Variants in BANK1 observed in about 807,000 individuals in gnomAD.
BANK1 encodes B cell scaffold protein with ankyrin repeats 1, also known as B-cell scaffold protein with ankyrin repeats.
BANK1 carries 95 observed loss-of-function variants against 94.5 expected under a neutral mutation model. That is an observed-to-expected ratio of 1.00 (90% CI 0.85 to 1.19). The LOEUF (loss-of-function observed/expected upper bound fraction) is 1.19. BANK1 is among the 50% of genes most tolerant of loss of function. BANK1 has a pLI of 0.00. For missense variants in BANK1, 987 were observed against 932.2 expected (o/e 1.06, Z -0.77); for synonymous variants, 334 against 308.4 (o/e 1.08, Z -0.87).
intron 5 of BANK1, 25 bp downstream of exon 5, chr4:101,870,669 A>G: frequency 1.2e-5 from 19 of 1,602,180 alleles, no homozygotes; most frequent in Non-Finnish European, 1.6e-5. Flanking sequence ...CCACGAAGTT[A>G]ATCATAATGT....
At chr4:102,010,131 G>A (rs28582881) in intron 7 of BANK1, among the ~76,000 whole-genome samples, 21 of 151,096 alleles carry the variant, frequency 1.4e-4, no homozygotes, top group African/African-American at 3.1e-4. Flanking sequence ...CAGGTGTGGT[G>A]GCGGGCGCCT....
chr4:101,898,152 C>T (rs1722156042), intron 6 of BANK1, among the ~76,000 whole-genome samples: 2 of 151,698 alleles, frequency 1.3e-5, no homozygotes. Context: ...TACAAAATAA[C>T]ATAATATATA....
intron 7 of BANK1, among the ~76,000 whole-genome samples, chr4:101,963,983 C>CTGTGTGTGCAA (rs1724660522): frequency 6.6e-6 from 1 of 152,082 alleles, no homozygotes; most frequent in African/African-American, 2.4e-5. Context: ...GCTCCAATAG[C>CTGTGTGTGCAA]ATTTTTTTGT....
intron 7 of BANK1, among the ~76,000 whole-genome samples, chr4:102,004,645 G>A (rs929356099): frequency 6.6e-6 from 1 of 152,076 alleles, no homozygotes; most frequent in African/African-American, 2.4e-5. Flanking sequence ...TTAATAAGTT[G>A]CCTGCTTTGC....
chr4:101,983,781 T>G (rs903026193), intron 7 of BANK1, among the ~76,000 whole-genome samples: 1 of 152,106 alleles, frequency 6.6e-6, no homozygotes, highest in Non-Finnish European at 1.5e-5. Flanking sequence ...ATTAGATTTG[T>G]CAGTGCTTCA....
At chr4:101,935,554 CTT>C (rs1349333343) in intron 7 of BANK1, among the ~76,000 whole-genome samples, 5 of 151,480 alleles carry the variant, frequency 3.3e-5, no homozygotes, top group Non-Finnish European at 7.4e-5. Flanking sequence ...TAAAAGGAAT[CTT>C]TTCTGAATTC....
At position 102,060,136 on chromosome 4, in the gene BANK1, T is replaced by C. The variant is rs1178506944; in HGVS notation, c.1970-75T>C. 3.8e-6 allele frequency: 5 copies of C among 1,328,316 alleles called. No homozygotes were observed. The East Asian group carries it at 1.1e-4, about 28-fold the overall frequency. 82.3% of individuals were successfully genotyped at this position (1,328,316 alleles called of 1,614,324 possible). A position where few individuals can be genotyped will look rare whatever the true frequency, so the allele number is the denominator to read the frequency against. ...TTAAGAAGAAGCTACTCCAATGGCT[T>C]ATTTGTAGAGTGCTTTTGTTCCCAG... On this transcript the variant is annotated intron_variant, in intron 11 of 16. Transcript: ENST00000322953.
chr4:101,887,783 C>T (rs1728909309), intron 5 of BANK1, among the ~76,000 whole-genome samples: 1 of 151,986 alleles, frequency 6.6e-6, no homozygotes, highest in African/African-American at 2.4e-5. Flanking sequence ...TTTATAGTCA[C>T]AGATATTGCA....
intron 7 of BANK1, among the ~76,000 whole-genome samples, chr4:101,919,915 T>C (rs1178656664): frequency 1.3e-5 from 2 of 151,970 alleles, no homozygotes; most frequent in South Asian, 2.1e-4. Flanking sequence ...GTTAAGAAAA[T>C]GAAACATATG....
At chr4:102,014,221 A>G (rs896373508) in intron 7 of BANK1, among the ~76,000 whole-genome samples, 86 of 152,266 alleles carry the variant, frequency 5.6e-4, no homozygotes, top group African/African-American at 2.0e-3. Context: ...AGAGTATAGT[A>G]AAAATTGTTG....
chr4:101,831,407 TTTC>T (rs1215495290), intron 2 of BANK1, among the ~76,000 whole-genome samples: 1 of 152,180 alleles, frequency 6.6e-6, no homozygotes, highest in East Asian at 1.9e-4. Context: ...GGAAAACAAC[TTTC>T]TTCTTACCAA....
At chr4:102,014,918 G>A (rs368946811) in intron 7 of BANK1, among the ~76,000 whole-genome samples, 1 of 152,060 alleles carries the variant, frequency 6.6e-6, no homozygotes, top group South Asian at 2.1e-4. Flanking sequence ...TGAAATCAAG[G>A]AAGGCAAATT....
At chr4:101,931,904 G>A (rs1000815701) in intron 7 of BANK1, among the ~76,000 whole-genome samples, 2 of 151,366 alleles carry the variant, frequency 1.3e-5, no homozygotes, top group African/African-American at 4.8e-5. Context: ...CATGGGCCAT[G>A]GCAAAGCTAT....
chr4:101,986,446 A>G (rs890875658), intron 7 of BANK1, among the ~76,000 whole-genome samples: 1 of 152,102 alleles, frequency 6.6e-6, no homozygotes, highest in Non-Finnish European at 1.5e-5. Flanking sequence ...TTCTGGGGTC[A>G]GACAAAATAG....
intron 2 of BANK1, 108 bp from the exon 3 acceptor site, chr4:101,854,927 G>T: frequency 1.3e-6 from 1 of 764,242 alleles, no homozygotes. Context: ...AACTCAGTTC[G>T]GTTTCCCGTA....
chr4:101,899,097 C>T (rs1039501413), intron 6 of BANK1, among the ~76,000 whole-genome samples: 4 of 151,598 alleles, frequency 2.6e-5, no homozygotes, highest in Admixed American at 6.6e-5. Context: ...GGACCTGTTC[C>T]GTTTGCATTT....
In BANK1 at chr4:102,031,912, ATCT is replaced by A. The variant is rs1486486239; in HGVS notation, c.1900+1651_1900+1653del. On this transcript the variant is annotated intron_variant, in intron 10 of 16. Transcript: ENST00000322953. ...TATAAAATACACTTATTTAATGATG[ATCT>A]TCTCTTGATATTGTTCAAGAAACTA... Among the ~76,000 whole-genome samples the A allele has an allele frequency of 3.9e-5, 6 of 152,188 alleles. 1 individual carries two copies. Among genetic ancestry groups the A allele is most frequent in the South Asian group, 4.1e-4 (2 of 4,820 alleles).
chr4:101,807,516 C>A (rs1420492314), intron 1 of BANK1, among the ~76,000 whole-genome samples: 6 of 152,150 alleles, frequency 3.9e-5, no homozygotes, highest in African/African-American at 9.7e-5. Flanking sequence ...GACTTTCTCC[C>A]TCTGTGACTG....
rs146642069 is a variant in BANK1, at chr4:101,966,411, CAAT to C, written c.1206+48237_1206+48239del. 2.0e-3 allele frequency among the ~76,000 whole-genome samples: 308 copies of C among 151,718 alleles called. 1 individual carries two copies. The highest frequency in any genetic ancestry group is 6.1e-3 in the African/African-American group (254 of 41,378). On this transcript the variant is annotated intron_variant, in intron 7 of 16. Coordinates refer to ENST00000322953, the MANE Select transcript of BANK1 (RefSeq NM_017935.5). ...GACCACAAGTGTGTCATTTGATTGT[CAAT>C]AATAATAATAATAAATTATTGAATC... is the stretch of plus-strand genomic sequence containing the variant.
Sources: gnomAD v4.1 joint callset for allele counts (sites outside exome capture counted in the v4.1 genomes callset) on GRCh38, gnomAD v4.1.1 for gene constraint, MANE v1.5 for transcripts, NCBI Gene and HGNC (gene_info 2026-07-23, HGNC 2026-07-21) for gene names.